Variants in ACACA observed in about 807,000 individuals in gnomAD.
The protein encoded by ACACA is acetyl-CoA carboxylase alpha.
A neutral mutation model predicts 296.1 loss-of-function variants in ACACA; 103 were observed. The observed-to-expected ratio is 0.35, with a 90% CI of 0.30 to 0.41. The LOEUF is 0.41. Among genes scored for constraint, ACACA ranks in the 10% least tolerant of loss-of-function variants. The pLI, the probability that ACACA is intolerant of heterozygous loss-of-function variation, is 1.00. For synonymous variants in ACACA, 953 were observed against 1,038.6 expected (o/e 0.92, Z 1.58); for missense variants, 1,554 against 2,989.7 (o/e 0.52, Z 11.20).
intron 7 of ACACA, among the ~76,000 whole-genome samples, chr17:37,276,547 T>A (rs2082291833): frequency 6.6e-6 from 1 of 152,244 alleles, no homozygotes; most frequent in African/African-American, 2.4e-5. Context: ...TTGAGCTATA[T>A]AACCTCTGTT....
intron 25 of ACACA, among the ~76,000 whole-genome samples, chr17:37,229,511 A>AACC: frequency 6.6e-6 from 1 of 151,642 alleles, no homozygotes; most frequent in Middle Eastern, 3.4e-3. Context: ...CACCGTGTTA[A>AACC]CCAGGATGGT....
chr17:37,205,589 T>C (rs1428453033), intron 33 of ACACA, among the ~76,000 whole-genome samples, 176 bp downstream of exon 33: 1 of 152,186 alleles, frequency 6.6e-6, no homozygotes, highest in Non-Finnish European at 1.5e-5. Context: ...CACAAAGATA[T>C]TCATTATATA....
intron 41 of ACACA, among the ~76,000 whole-genome samples, chr17:37,166,387 T>G (rs1192477320): frequency 2.6e-5 from 4 of 151,906 alleles, no homozygotes. Context: ...GATCCTCCTG[T>G]CTCGGCCTCC....
intron 42 of ACACA, among the ~76,000 whole-genome samples, chr17:37,157,846 T>C (rs1178533852): frequency 2.0e-5 from 3 of 152,104 alleles, no homozygotes; most frequent in Admixed American, 6.5e-5. Flanking sequence ...CATGGCCTCA[T>C]TCTACATTCT....
At chr17:37,143,600 T>A (rs1313514896) in intron 45 of ACACA, 1 of 786,234 alleles carries the variant, frequency 1.3e-6, no homozygotes, top group African/African-American at 1.7e-5. Flanking sequence ...CATTTCAATT[T>A]TTTTCTTTAA....
chr17:37,134,058 C>T (rs77187894), intron 45 of ACACA, among the ~76,000 whole-genome samples: 2,644 of 152,244 alleles, frequency 0.017, 85 homozygotes, highest in African/African-American at 0.061. Context: ...ACATAAAAGC[C>T]GGTGATTAGC....
chr17:37,361,898 T>A (rs2049418143), intron 1 of ACACA, among the ~76,000 whole-genome samples: 1 of 152,374 alleles, frequency 6.6e-6, no homozygotes, highest in African/African-American at 2.4e-5. Context: ...ACTAGAGGTC[T>A]GTTATGGGCT....
chr17:37,383,270 T>C (rs1282823744), intron 1 of ACACA, among the ~76,000 whole-genome samples: 2 of 151,958 alleles, frequency 1.3e-5, no homozygotes. Flanking sequence ...CTCTTAGAAA[T>C]TGGGACAAGG....
rs865862992 is a variant in ACACA at position 37,166,373 on chromosome 17, A to G, written c.5080-4323T>C. Among the ~76,000 whole-genome samples the G allele has an allele frequency of 3.5e-4, 54 of 152,134 alleles. 1 individual carries two copies. Among genetic ancestry groups the G allele is most frequent in the Middle Eastern group, 3.4e-3 (1 of 294 alleles). On this transcript the variant is annotated intron_variant, in intron 41 of 55. Coordinates refer to ENST00000616317, the MANE Select transcript of ACACA (RefSeq NM_198834.3). ...AGGCTGGTCTTGAACTCCTGGACTC[A>G]AGTGATCCTCCTGTCTCGGCCTCCC...
rs2075020007 is a variant in ACACA, at chr17:37,130,144, G to T, written c.5754C>A (p.Thr1918=). ...CAAAGTCATCACACACAGTGCAGTG[G>T]GTCACCCCATTGTTGTGCATAATCT... ...GIQIMHNNGV[T]HCTVCDDFEG... Residue 1918 remains threonine (T), a synonymous_variant, in exon 46 of 56, where the codon ACC becomes ACA. Transcript: ENST00000616317. The T allele has an allele frequency of 2.5e-6, 4 of 1,614,026 alleles. No homozygotes were observed. Among genetic ancestry groups the T allele is most frequent in the Non-Finnish European group, 3.4e-6 (4 of 1,180,024 alleles).
At chr17:37,384,391 G>A (rs1293995559) in intron 1 of ACACA, among the ~76,000 whole-genome samples, 1 of 152,154 alleles carries the variant, frequency 6.6e-6, no homozygotes, top group East Asian at 1.9e-4. Flanking sequence ...CCTTCTGGTG[G>A]AGACAGATGA....
At chr17:37,188,597 G>A in intron 38 of ACACA, 117 bp from the exon 39 acceptor site, 1 of 1,050,154 alleles carries the variant, frequency 9.5e-7, no homozygotes, top group Non-Finnish European at 1.4e-6. Context: ...GGTTTGTGGA[G>A]ATGCACACCT....
intron 1 of ACACA, among the ~76,000 whole-genome samples, chr17:37,352,858 C>G (rs2048971034): frequency 6.6e-6 from 1 of 152,092 alleles, no homozygotes; most frequent in Admixed American, 6.6e-5. Context: ...GAGACATTTA[C>G]AGGTTAAAGC....
chr17:37,376,974 A>T (rs1487679663), intron 1 of ACACA, among the ~76,000 whole-genome samples: 3 of 152,198 alleles, frequency 2.0e-5, no homozygotes, highest in African/African-American at 7.2e-5. Flanking sequence ...AAATTAAAAT[A>T]AAAAAATAAA....
At chr17:37,379,327 C>A (rs764494252) in intron 1 of ACACA, 13 of 1,614,018 alleles carry the variant, frequency 8.1e-6, no homozygotes, top group South Asian at 2.2e-5. Context: ...CCTCCTCAAG[C>A]TGTCACCTAA....
chr17:37,342,002 GT>G (rs1391112977), intron 1 of ACACA, among the ~76,000 whole-genome samples: 1 of 152,034 alleles, frequency 6.6e-6, no homozygotes, highest in African/African-American at 2.4e-5. Context: ...TATAATTGCT[GT>G]CTTAGTTCTG....
chr17:37,272,748 G>A (rs1353801597), intron 9 of ACACA, among the ~76,000 whole-genome samples: 3 of 152,008 alleles, frequency 2.0e-5, no homozygotes, highest in Non-Finnish European at 4.4e-5. Context: ...GTAGAAAAAA[G>A]TATTATGATT....
chr17:37,234,501 A>C (rs1413784253), intron 25 of ACACA, among the ~76,000 whole-genome samples: 2 of 152,188 alleles, frequency 1.3e-5, no homozygotes, highest in African/African-American at 2.4e-5. Flanking sequence ...TATAAATAAA[A>C]AGGGACCAAT....
chr17:37,356,433 C>T (rs2049144621), intron 1 of ACACA, among the ~76,000 whole-genome samples: 1 of 152,112 alleles, frequency 6.6e-6, no homozygotes, highest in East Asian at 1.9e-4. Context: ...GGCTGGAGTA[C>T]AGTGGCGCAA....
Sources: gnomAD v4.1 joint callset for allele counts (sites outside exome capture counted in the v4.1 genomes callset) on GRCh38, gnomAD v4.1.1 for gene constraint, MANE v1.5 for transcripts, NCBI Gene and HGNC (gene_info 2026-07-23, HGNC 2026-07-21) for gene names.